Variants in PTBP3 observed in about 807,000 individuals in gnomAD.
PTBP3 encodes the protein polypyrimidine tract binding protein 3.
Under a neutral mutation model 58.7 loss-of-function variants are expected in PTBP3, and 20 were observed. That is an observed-to-expected ratio of 0.34 (90% CI 0.24 to 0.50). The LOEUF is 0.50. Ranked by LOEUF, PTBP3 falls within the 20% of genes least tolerant of loss-of-function variation. The pLI, the probability that PTBP3 is intolerant of heterozygous loss-of-function variation, is 0.98. For missense variants in PTBP3, 509 were observed against 637.2 expected, an observed-to-expected ratio of 0.80 and a Z score of 2.17; for synonymous variants, 185 against 219.8, an observed-to-expected ratio of 0.84 and a Z score of 1.40.
chr9:112,222,140 C>CT lies in PTBP3; in HGVS notation c.*1710dup. ...TTCTTTTAAAAGTTGAGATGAGACACTTTGAGAATCTGAAAAGTGTAAAAG... is the reference window on the plus strand; with the variant it reads ...TTCTTTTAAAAGTTGAGATGAGACACTTTTGAGAATCTGAAAAGTGTAAAAG... On this transcript the variant is annotated 3_prime_UTR_variant, in exon 14 of 14. Transcript: ENST00000374257. The CT allele has an allele frequency of 7.1e-6, 7 of 985,810 alleles. No homozygotes were observed. The highest frequency in any genetic ancestry group is 8.4e-6 in the Non-Finnish European group (7 of 829,904). 61.1% of individuals were successfully genotyped at this position (985,810 alleles called of 1,614,324 possible).
Position 112,262,468 on chromosome 9 carries a change from G to A in PTBP3, c.483C>T (p.Leu161=), listed in dbSNP as rs753854130. Residue 161 remains leucine (L), a synonymous_variant, in exon 5 of 14, where the codon CTC becomes CTT. Transcript: ENST00000374257. ...GAACTTCCAGGGTAACAGGGTAAAA[G>A]AGGTTTTCAATAATTATTCGAAGCA... ...SPVLRIIIEN[L]FYPVTLEVLH... 1.4e-5 allele frequency: 23 copies of A among 1,609,676 alleles called. No individual in the cohort carries two copies. In the South Asian group the frequency reaches 2.6e-4, roughly 18 times the overall value.
intron 2 of PTBP3, among the ~76,000 whole-genome samples, chr9:112,283,595 G>C (rs1226747771): frequency 6.6e-6 from 1 of 152,232 alleles, no homozygotes; most frequent in East Asian, 1.9e-4. Context: ...TTCACAGCCT[G>C]ACCATGTGGT....
chr9:112,262,419 A>T lies in PTBP3; in HGVS notation c.516+16T>A, dbSNP rs755284189. Reference sequence around the variant, plus strand: ...TATTTAACTTAACTTTCTTAAGGGTATTTATTCCTCCTTACCTGATGAAGA... The same window carrying T: ...TATTTAACTTAACTTTCTTAAGGGTTTTTATTCCTCCTTACCTGATGAAGA... On this transcript the variant is annotated intron_variant, in intron 5 of 13. Transcript: ENST00000374257. 2 of 1,559,354 alleles carry T rather than the reference A, an allele frequency of 1.3e-6. No homozygotes were observed. Among genetic ancestry groups the T allele is most frequent in the East Asian group, 4.8e-5 (2 of 41,552 alleles).
chr9:112,322,767 TAAC>T (rs1383918004), intron 1 of PTBP3, among the ~76,000 whole-genome samples: 1 of 152,212 alleles, frequency 6.6e-6, no homozygotes, highest in Non-Finnish European at 1.5e-5. Flanking sequence ...TGGTTTAAAA[TAAC>T]AACTTTAACC....
intron 3 of PTBP3, among the ~76,000 whole-genome samples, chr9:112,273,380 T>G (rs748947190): frequency 6.6e-6 from 1 of 152,226 alleles, no homozygotes; most frequent in Non-Finnish European, 1.5e-5. Flanking sequence ...AAAACAGCTA[T>G]GGCAACTAGC....
chr9:112,315,486 T>G (rs1449930082), intron 1 of PTBP3, among the ~76,000 whole-genome samples: 1 of 152,038 alleles, frequency 6.6e-6, no homozygotes. Context: ...ATAGAAAATT[T>G]GTACTCAGGA....
At chr9:112,254,558 T>C (rs541246911) in intron 5 of PTBP3, among the ~76,000 whole-genome samples, 3 of 152,192 alleles carry the variant, frequency 2.0e-5, no homozygotes, top group South Asian at 2.1e-4. Flanking sequence ...AACCCAAAAA[T>C]AGGCAAAGGA....
intron 2 of PTBP3, among the ~76,000 whole-genome samples, chr9:112,285,117 T>C (rs1257261702): frequency 6.6e-6 from 1 of 152,208 alleles, no homozygotes; most frequent in Non-Finnish European, 1.5e-5. Context: ...TCATCATGAT[T>C]CCCATGTGTT....
At chr9:112,279,747 AT>A (rs1046741776) in intron 2 of PTBP3, among the ~76,000 whole-genome samples, 4 of 151,984 alleles carry the variant, frequency 2.6e-5, no homozygotes, top group Non-Finnish European at 5.9e-5. Flanking sequence ...ACATCTTAAC[AT>A]TTTTTTGAGT....
At chr9:112,230,148 T>C (rs1835145754) in intron 10 of PTBP3, among the ~76,000 whole-genome samples, 1 of 152,054 alleles carries the variant, frequency 6.6e-6, no homozygotes, top group African/African-American at 2.4e-5. Flanking sequence ...GTAAATTACA[T>C]CTGAAAAAAT....
At chr9:112,358,845 G>A in the PTBP3 span, among the ~76,000 whole-genome samples, 141 of 152,096 alleles carry the variant, frequency 9.3e-4, no homozygotes, top group African/African-American at 3.2e-3. Flanking sequence ...CTTCTTTTTG[G>A]GGGGCACTGG....
chr9:112,251,903 C>CTA (rs1315194942), intron 6 of PTBP3, among the ~76,000 whole-genome samples: 1 of 151,994 alleles, frequency 6.6e-6, no homozygotes, highest in Non-Finnish European at 1.5e-5. Context: ...AATATAAAGG[C>CTA]TATACTCCCA....
rs115089287 is a variant in PTBP3, at chr9:112,290,364, A to T, written c.34+7468T>A. Among the ~76,000 whole-genome samples the T allele has an allele frequency of 3.7e-3, 565 of 152,266 alleles. 4 individuals carry two copies. Among genetic ancestry groups the T allele is most frequent in the African/African-American group, 0.013 (546 of 41,538 alleles). Reference sequence around the variant, plus strand: ...TAAGCTATCAATATATGCTTACCAGAACAACTAAAATTAAAAATACACAAT... The same window carrying T: ...TAAGCTATCAATATATGCTTACCAGTACAACTAAAATTAAAAATACACAAT... On this transcript the variant is annotated intron_variant, in intron 2 of 13. Transcript: ENST00000374257.
Position 112,221,006 on chromosome 9 carries a change from T to A in PTBP3, c.*2845A>T, listed in dbSNP as rs566808915. On this transcript the variant is annotated 3_prime_UTR_variant, in exon 14 of 14. Coordinates refer to ENST00000374257, the MANE Select transcript of PTBP3 (RefSeq NM_001163788.4). ...TCCACCATCCTGATATTTTTTAATC[T>A]TTTTTTTACAAAAACTATGCCAACA... The A allele has an allele frequency of 4.1e-6, 4 of 973,300 alleles. No homozygotes were observed. In the African/African-American group the frequency reaches 7.0e-5, roughly 17 times the overall value. 60.3% of individuals were successfully genotyped at this position (973,300 alleles called of 1,614,324 possible).
Position 112,220,591 on chromosome 9 carries a change from T to A in PTBP3, c.*3260A>T. On this transcript the variant is annotated 3_prime_UTR_variant, in exon 14 of 14. Coordinates refer to ENST00000374257, the MANE Select transcript of PTBP3 (RefSeq NM_001163788.4). ...AGAAACATTACTTCAAATAATTGAT[T>A]TCAATATTTAGTCTTAAAGAATTTA... The A allele has an allele frequency of 1.0e-6, 1 of 1,003,426 alleles. No individual in the cohort carries two copies. Among genetic ancestry groups the A allele is most frequent in the South Asian group, 4.1e-5 (1 of 24,214 alleles). The allele number at this position is 1,003,426 out of a possible 1,614,324, so 62.2% of individuals were successfully genotyped here. A position where few individuals can be genotyped will look rare whatever the true frequency, so the allele number is the denominator to read the frequency against.
intron 4 of PTBP3, among the ~76,000 whole-genome samples, chr9:112,267,414 G>A (rs1022084876): frequency 2.0e-5 from 3 of 151,892 alleles, no homozygotes; most frequent in Non-Finnish European, 2.9e-5. Flanking sequence ...CAATCCACCC[G>A]CCTCGGCCTC....
At chr9:112,229,212 C>T (rs971665820) in intron 10 of PTBP3, among the ~76,000 whole-genome samples, 2 of 152,066 alleles carry the variant, frequency 1.3e-5, no homozygotes, top group Non-Finnish European at 2.9e-5. Context: ...TTTTTTCATC[C>T]AGTGTATTAC....
At chr9:112,314,624 G>A (rs755967728) in intron 1 of PTBP3, among the ~76,000 whole-genome samples, 2 of 152,108 alleles carry the variant, frequency 1.3e-5, no homozygotes, top group African/African-American at 2.4e-5. Context: ...AAGCCTAGAA[G>A]AGAGCCTGGG....
At chr9:112,289,923 A>T (rs1828304751) in intron 2 of PTBP3, among the ~76,000 whole-genome samples, 1 of 152,250 alleles carries the variant, frequency 6.6e-6, no homozygotes, top group African/African-American at 2.4e-5. Context: ...TTCATAAGAC[A>T]TCAATAATTA....
Sources: allele counts gnomAD v4.1 joint callset (sites outside exome capture counted in the v4.1 genomes callset), GRCh38; gene constraint gnomAD v4.1.1; transcripts MANE v1.5; gene names NCBI Gene and HGNC (gene_info 2026-07-23, HGNC 2026-07-21).